The following TMEM132D variants were observed in gnomAD, a reference collection of about 807,000 sequenced individuals.
TMEM132D encodes transmembrane protein 132D, also known as mature OL transmembrane protein.
In TMEM132D, 21 loss-of-function variants were observed where a neutral mutation model predicts 62.3. The ratio of observed to expected loss-of-function variants is 0.34; its 90% CI spans 0.24 to 0.49. The LOEUF (loss-of-function observed/expected upper bound fraction) is 0.49. TMEM132D is among the 20% of genes least tolerant of loss of function. The pLI is 0.99. For missense variants in TMEM132D, 1,346 were observed against 1,402.8 expected (o/e 0.96, Z 0.65); for synonymous variants, 621 against 575.6 (o/e 1.08, Z -1.13).
intron 2 of TMEM132D, among the ~76,000 whole-genome samples, chr12:129,693,770 G>A (rs536169559): frequency 2.6e-5 from 4 of 152,292 alleles, no homozygotes; most frequent in Non-Finnish European, 4.4e-5. Context: ...CAGACTCTTT[G>A]CTTATTATAA....
intron 1 of TMEM132D, among the ~76,000 whole-genome samples, chr12:129,821,618 A>G (rs1042233593): frequency 6.6e-6 from 1 of 152,246 alleles, no homozygotes; most frequent in Non-Finnish European, 1.5e-5. Context: ...ACACTGGAAC[A>G]GTATTTCTGG....
chr12:129,453,017 T>C (rs564359151), intron 3 of TMEM132D, among the ~76,000 whole-genome samples: 1 of 152,214 alleles, frequency 6.6e-6, no homozygotes, highest in Non-Finnish European at 1.5e-5. Context: ...CGAGCCTTAC[T>C]GCCTGAGCTC....
intron 3 of TMEM132D, among the ~76,000 whole-genome samples, chr12:129,348,708 C>A (rs577892367): frequency 2.0e-5 from 3 of 152,156 alleles, no homozygotes; most frequent in Non-Finnish European, 4.4e-5. Flanking sequence ...TATCCCAGAA[C>A]TTAAAGTAAA....
intron 5 of TMEM132D, among the ~76,000 whole-genome samples, chr12:129,098,574 G>A (rs550429867): frequency 2.6e-5 from 4 of 152,136 alleles, no homozygotes; most frequent in Admixed American, 6.5e-5. Flanking sequence ...AGCCCTGTGA[G>A]GTTGGTGTTA....
intron 3 of TMEM132D, among the ~76,000 whole-genome samples, chr12:129,499,293 C>T (rs1360604425): frequency 6.6e-6 from 1 of 152,042 alleles, no homozygotes; most frequent in Admixed American, 6.6e-5. Context: ...AACCAACATC[C>T]CTGGAAAGAG....
In TMEM132D at chr12:129,888,449, G is replaced by C. The variant is rs7977206; in HGVS notation, c.79+14812C>G. Among the ~76,000 whole-genome samples, 1,422 of 152,298 alleles carry C rather than the reference G, an allele frequency of 9.3e-3. 20 individuals carry two copies. The highest frequency in any genetic ancestry group is 0.032 in the African/African-American group (1,346 of 41,560). On this transcript the variant is annotated intron_variant, in intron 1 of 8. Coordinates refer to ENST00000422113, the MANE Select transcript of TMEM132D (RefSeq NM_133448.3). ...GCGATGGCTCACACCTGTAATACCA[G>C]CACTTTGAGAGACCGAGGCAGGAGG... is the stretch of plus-strand genomic sequence containing the variant.
chr12:129,442,130 TA>T (rs1872954858), intron 3 of TMEM132D, among the ~76,000 whole-genome samples: 1 of 152,164 alleles, frequency 6.6e-6, no homozygotes, highest in South Asian at 2.1e-4. Flanking sequence ...CCCCGGAATC[TA>T]AAACAAAAGT....
rs12230470 is a variant in TMEM132D, at chr12:129,526,786, G to A, written c.1115+4273C>T. 5.2e-3 allele frequency among the ~76,000 whole-genome samples: 786 copies of A among 152,280 alleles called. 39 individuals carry two copies. In the South Asian group the frequency reaches 0.094, roughly 18 times the overall value. ...AACACAGTTAAGAAGACCCTTTTCT[G>A]TCTTTTCTTTTGCCTGCAATGCTGA... On this transcript the variant is annotated intron_variant, in intron 3 of 8. Transcript: ENST00000422113.
intron 1 of TMEM132D, among the ~76,000 whole-genome samples, chr12:129,841,818 C>T (rs971874529): frequency 6.6e-6 from 1 of 151,856 alleles, no homozygotes; most frequent in African/African-American, 2.4e-5. Flanking sequence ...GGTTCTAGTC[C>T]TTTTAATAAA....
chr12:129,104,288 G>A (rs1398576295), intron 5 of TMEM132D, among the ~76,000 whole-genome samples: 1 of 151,466 alleles, frequency 6.6e-6, no homozygotes, highest in South Asian at 2.1e-4. Context: ...ACAAGCAATG[G>A]GGAAAGGATT....
At chr12:129,828,402 T>G (rs1242752232) in intron 1 of TMEM132D, among the ~76,000 whole-genome samples, 1 of 150,426 alleles carries the variant, frequency 6.6e-6, no homozygotes. Context: ...ATTATGTAAG[T>G]ATTATCTTTA....
intron 4 of TMEM132D, among the ~76,000 whole-genome samples, chr12:129,249,630 G>T (rs73148853): frequency 4.7e-4 from 71 of 152,304 alleles, no homozygotes; most frequent in Non-Finnish European, 4.4e-4. Flanking sequence ...AGCGCAGGTA[G>T]ACAGTCAAGG....
intron 3 of TMEM132D, among the ~76,000 whole-genome samples, chr12:129,417,681 A>G (rs12302352): frequency 0.18 from 27,231 of 152,184 alleles, 2,723 homozygotes; most frequent in African/African-American, 0.25. Context: ...CAATGGCAAA[A>G]AAGTGCCAAA....
intron 5 of TMEM132D, among the ~76,000 whole-genome samples, chr12:129,158,550 T>C (rs147852049): frequency 1.3e-5 from 2 of 152,302 alleles, no homozygotes; most frequent in African/African-American, 4.8e-5. Flanking sequence ...CAGGCATTGA[T>C]TGAATCTATG....
intron 4 of TMEM132D, among the ~76,000 whole-genome samples, chr12:129,233,295 G>GTGAA (rs888335381): frequency 7.9e-5 from 12 of 152,064 alleles, no homozygotes; most frequent in African/African-American, 1.4e-4. Flanking sequence ...CAGTTCTTGA[G>GTGAA]TGAATGAATG....
At chr12:129,436,939 T>TA (rs1428303140) in intron 3 of TMEM132D, among the ~76,000 whole-genome samples, 1 of 152,194 alleles carries the variant, frequency 6.6e-6, no homozygotes, top group African/African-American at 2.4e-5. Flanking sequence ...GTAAATAATG[T>TA]ATTTACCACA....
chr12:129,478,029 G>T (rs1874322103), intron 3 of TMEM132D, among the ~76,000 whole-genome samples: 3 of 152,122 alleles, frequency 2.0e-5, no homozygotes, highest in South Asian at 4.1e-4. Context: ...TGGCTCCTGG[G>T]CTACAAGTCT....
intron 3 of TMEM132D, among the ~76,000 whole-genome samples, chr12:129,474,801 A>T (rs528107513): frequency 2.8e-4 from 43 of 152,306 alleles, no homozygotes; most frequent in Non-Finnish European, 4.1e-4. Flanking sequence ...TCATGATGCC[A>T]GCAGATATTT....
intron 3 of TMEM132D, among the ~76,000 whole-genome samples, chr12:129,475,259 T>C (rs576453740): frequency 2.0e-3 from 308 of 152,284 alleles, no homozygotes; most frequent in African/African-American, 7.1e-3. Context: ...TGGAAACAGC[T>C]GGATGTTTCT....
Sources: gnomAD v4.1 joint callset for allele counts (sites outside exome capture counted in the v4.1 genomes callset) on GRCh38, gnomAD v4.1.1 for gene constraint, MANE v1.5 for transcripts, NCBI Gene and HGNC (gene_info 2026-07-23, HGNC 2026-07-21) for gene names.